Variants in ARAP1 observed in about 807,000 individuals in gnomAD.
The protein encoded by ARAP1 is ArfGAP with RhoGAP domain, ankyrin repeat and PH domain 1, also known as arf-GAP with Rho-GAP domain, ANK repeat and PH domain-containing protein 1.
A neutral mutation model predicts 172.2 loss-of-function variants in ARAP1; 76 were observed. The ratio of observed to expected loss-of-function variants is 0.44; its 90% confidence interval spans 0.37 to 0.53. The LOEUF (loss-of-function observed/expected upper bound fraction) is 0.53, where lower values mean the gene tolerates loss of function less well. Ranked by LOEUF, ARAP1 falls within the 20% of genes least tolerant of loss-of-function variation. ARAP1 has a pLI of 0.00. For synonymous variants in ARAP1, 804 were observed against 803.3 expected, an observed-to-expected ratio of 1.00 and a Z score of -0.01; for missense variants, 1,686 against 1,977.5, an observed-to-expected ratio of 0.85 and a Z score of 2.80.
At chr11:72,714,816 C>T (rs1301842671) in intron 3 of ARAP1, among the ~76,000 whole-genome samples, 1 of 152,168 alleles carries the variant, frequency 6.6e-6, no homozygotes, top group East Asian at 1.9e-4. Context: ...GATCACCTTG[C>T]TCTTGCCCAG....
Position 72,710,263 on chromosome 11 carries a change from G to A in ARAP1, c.1416+122C>T. 2 of 1,262,038 alleles carry A rather than the reference G, an allele frequency of 1.6e-6. No homozygotes were observed. The highest frequency in any genetic ancestry group is 2.3e-6 in the Non-Finnish European group (2 of 885,318). The allele number at this position is 1,262,038 out of a possible 1,614,324, so 78.2% of individuals were successfully genotyped here. A position where few individuals can be genotyped will look rare whatever the true frequency, so the allele number is the denominator to read the frequency against. The stretch of plus-strand genomic sequence containing the variant: ...CTTGGGGGAGCGAGGACATATCCAG[G>A]CAAAGGGCTGGGCCCAGTGCAGGAA... On this transcript the variant is annotated intron_variant, in intron 10 of 34. Transcript: ENST00000393609. The surrounding 1 kb of genome is among the most constrained non-coding windows in gnomAD (Gnocchi z 4.3).
At chr11:72,744,242 C>T (rs534947432) in intron 1 of ARAP1, among the ~76,000 whole-genome samples, 2 of 152,270 alleles carry the variant, frequency 1.3e-5, no homozygotes, top group East Asian at 1.9e-4. Flanking sequence ...CAGGCAAGAC[C>T]AGGGATACCT....
Position 72,704,243 on chromosome 11 carries a change from C to T in ARAP1, c.1901G>A (p.Ser634Asn). 6.2e-7 allele frequency: 1 copy of T among 1,613,614 alleles called. No homozygotes were observed. Among genetic ancestry groups the T allele is most frequent in the Non-Finnish European group, 8.5e-7 (1 of 1,179,846 alleles). ...GGCCTCCAGGTGGCACCGCCGGGTG[C>T]TGGGGCTGCTGCTGGGCTGCAGGGC... ...SEALQPSSSPSTRRCHLEAKY... is the reference protein window; with the variant it reads ...SEALQPSSSPNTRRCHLEAKY... The change falls in exon 14 of 35, where the codon AGC becomes AAC. Residue 634 changes from serine (S) to asparagine (N), a missense_variant. Transcript: ENST00000393609.
At chr11:72,729,959 A>G (rs1464658819) in intron 2 of ARAP1, among the ~76,000 whole-genome samples, 1 of 152,048 alleles carries the variant, frequency 6.6e-6, no homozygotes, top group African/African-American at 2.4e-5. Flanking sequence ...AGAGAGGCAA[A>G]AGCCTTCTGG....
chr11:72,701,550 C>T (rs1856483736), intron 16 of ARAP1, 99 bp downstream of exon 16: 2 of 1,488,384 alleles, frequency 1.3e-6, no homozygotes, highest in Non-Finnish European at 1.8e-6. Context: ...TCTAGGGTGA[C>T]TCTGCCAGAG....
chr11:72,724,445 C>T (rs949243730), intron 3 of ARAP1, among the ~76,000 whole-genome samples: 2 of 151,996 alleles, frequency 1.3e-5, no homozygotes, highest in African/African-American at 2.4e-5. Context: ...TCCCACAAGG[C>T]GGGGGTGGGC....
At chr11:72,687,990 T>C (rs993084568) in intron 31 of ARAP1, among the ~76,000 whole-genome samples, 9 of 116,606 alleles carry the variant, frequency 7.7e-5, no homozygotes, top group Admixed American at 4.2e-4. Context: ...CCTGAGAATT[T>C]GTGTTTTTTT....
intron 16 of ARAP1, chr11:72,700,559 T>C (rs1856435869): frequency 6.6e-6 from 1 of 152,268 alleles, no homozygotes; most frequent in Admixed American, 6.5e-5. Flanking sequence ...TGCAGGTATT[T>C]GCCAAGTGCC....
intron 27 of ARAP1, among the ~76,000 whole-genome samples, chr11:72,694,087 G>C (rs1412214688): frequency 6.6e-6 from 1 of 150,776 alleles, no homozygotes; most frequent in Admixed American, 6.6e-5. Flanking sequence ...CCCCATCAGG[G>C]AAACACCACC....
chr11:72,733,548 C>T (rs1201360157), intron 1 of ARAP1, among the ~76,000 whole-genome samples: 1 of 152,142 alleles, frequency 6.6e-6, no homozygotes, highest in Non-Finnish European at 1.5e-5. Context: ...TCCTGACAGG[C>T]CACCACCCTT....
chr11:72,716,442 G>A (rs1016169232), intron 3 of ARAP1, among the ~76,000 whole-genome samples: 5 of 152,256 alleles, frequency 3.3e-5, no homozygotes, highest in African/African-American at 7.2e-5. Context: ...AAACGGTGGC[G>A]TGTCAGCCCT....
chr11:72,747,755 C>T (rs549853659), intron 1 of ARAP1, among the ~76,000 whole-genome samples: 4 of 152,326 alleles, frequency 2.6e-5, no homozygotes, highest in South Asian at 2.1e-4. Context: ...CTCCACAAGA[C>T]GCTTATCCCA....
At position 72,726,652 on chromosome 11, in the gene ARAP1, C is replaced by T. The variant is rs1174663322; in HGVS notation, c.477G>A (p.Pro159=). ...GCAGGCGGGGGGGTCCGGTGCGGGGCGGCACGGGTGGAACGCTCAGCTCTG... is the reference window on the plus strand; with the variant it reads ...GCAGGCGGGGGGGTCCGGTGCGGGGTGGCACGGGTGGAACGCTCAGCTCTG... ...HLAELSVPPV[P]PRTGPPRLLV... is the part of the protein sequence containing the mutation. Residue 159 remains proline, a synonymous_variant, in exon 3 of 35, where the codon CCG becomes CCA. Coordinates refer to ENST00000393609, the MANE Select transcript of ARAP1 (RefSeq NM_001040118.3). The surrounding 1 kb of genome is among the most constrained non-coding windows in gnomAD (Gnocchi z 6.5). The T allele has an allele frequency of 5.2e-6, 8 of 1,533,192 alleles. No homozygotes were observed. Among genetic ancestry groups the T allele is most frequent in the East Asian group, 2.4e-5 (1 of 42,034 alleles). 95.0% of individuals were successfully genotyped at this position (1,533,192 alleles called of 1,614,324 possible).
chr11:72,701,725 C>T lies in ARAP1; in HGVS notation c.2226G>A (p.Pro742=), dbSNP rs977824720. The part of the protein sequence containing the change: ...PLEKHYSVVL[P]TVSHSGFLYK... ...AGAGGAAGCCACTGTGGCTCACGGT[C>T]GGCAGGACAACTGAGTAGTGCTTTT... The change falls in exon 16 of 35, where the codon CCG becomes CCA. Residue 742 remains proline (P), a synonymous_variant. Coordinates refer to ENST00000393609, the MANE Select transcript of ARAP1 (RefSeq NM_001040118.3). The T allele has an allele frequency of 6.8e-6, 11 of 1,613,942 alleles. No homozygotes were observed. Among genetic ancestry groups the T allele is most frequent in the South Asian group, 4.4e-5 (4 of 91,066 alleles).
At chr11:72,731,273 A>G (rs903407890) in intron 2 of ARAP1, among the ~76,000 whole-genome samples, 1 of 152,168 alleles carries the variant, frequency 6.6e-6, no homozygotes, top group Admixed American at 6.5e-5. Flanking sequence ...TCCAAATTTC[A>G]TGTTGAAATG....
chr11:72,685,975 T>C (rs773419555), intron 34 of ARAP1, 67 bp downstream of exon 34: 8 of 1,608,068 alleles, frequency 5.0e-6, no homozygotes, highest in Middle Eastern at 1.6e-4. Flanking sequence ...TCATCTACTG[T>C]GGAGTAGAAG....
At chr11:72,698,911 C>A (rs1277915999) in intron 18 of ARAP1, 94 bp downstream of exon 18, 1 of 1,314,750 alleles carries the variant, frequency 7.6e-7, no homozygotes, top group African/African-American at 1.4e-5. Context: ...CTTCTGCTCT[C>A]TAGACGGGGG....
rs757252770 is a variant in ARAP1, at chr11:72,712,726, C to T, written c.748-158G>A. ...ACTCCCCTCCCCCTGCCAGCGGAGA[C>T]CACACAGAGACCCAGATCACAGGGA... On this transcript the variant is annotated intron_variant, in intron 5 of 34. Coordinates refer to ENST00000393609, the MANE Select transcript of ARAP1 (RefSeq NM_001040118.3). 4.9e-6 allele frequency: 6 copies of T among 1,223,242 alleles called. No homozygotes were observed. The African/African-American group carries it at 9.0e-5, about 18-fold the overall frequency. 75.8% of individuals were successfully genotyped at this position (1,223,242 alleles called of 1,614,324 possible).
intron 1 of ARAP1, among the ~76,000 whole-genome samples, chr11:72,736,234 G>A (rs1199767250): frequency 1.4e-5 from 2 of 141,090 alleles, no homozygotes; most frequent in Non-Finnish European, 3.0e-5. Flanking sequence ...TTACATTTTA[G>A]TTACCTTTTT....
Sources: allele counts gnomAD v4.1 joint callset (sites outside exome capture counted in the v4.1 genomes callset), GRCh38; gene constraint gnomAD v4.1.1; non-coding constraint Gnocchi (gnomAD v3.1); transcripts MANE v1.5; gene names NCBI Gene and HGNC (gene_info 2026-07-23, HGNC 2026-07-21).